Variants in DIAPH2 observed in about 807,000 individuals in gnomAD.
DIAPH2 encodes the protein diaphanous related formin 2, also known as protein diaphanous homolog 2.
Under a neutral mutation model 92.7 loss-of-function variants are expected in DIAPH2, and 35 were observed. The ratio of observed to expected loss-of-function variants is 0.38; its 90% CI spans 0.29 to 0.50. The LOEUF is 0.50. DIAPH2 is among the 20% of genes least tolerant of loss of function. The pLI is 0.94. For missense variants in DIAPH2, 701 were observed against 819.5 expected (o/e 0.86, Z 1.77); for synonymous variants, 301 against 280.4 (o/e 1.07, Z -0.73).
At chrX:97,215,534 A>G (rs1174043151) in intron 22 of DIAPH2, among the ~76,000 whole-genome samples, 1 of 112,029 alleles carries the variant, frequency 8.9e-6, no homozygotes, top group Non-Finnish European at 1.9e-5. Flanking sequence ...GTCATTATTG[A>G]AGATGAAAGC....
chrX:96,852,542 C>G (rs1471831984), intron 4 of DIAPH2, among the ~76,000 whole-genome samples: 1 of 111,688 alleles, frequency 9.0e-6, no homozygotes. Flanking sequence ...AGAGCACTCT[C>G]TGTTGAGAGA....
chrX:96,787,645 A>AATCCCATT (rs2147633304), intron 4 of DIAPH2, among the ~76,000 whole-genome samples: 1 of 107,894 alleles, frequency 9.3e-6, no homozygotes, highest in Non-Finnish European at 1.9e-5. Context: ...TTTATTCACC[A>AATCCCATT]ATCCCATTGT....
At chrX:97,042,334 T>C (rs1302965834) in intron 17 of DIAPH2, among the ~76,000 whole-genome samples, 1 of 111,777 alleles carries the variant, frequency 8.9e-6, no homozygotes, top group Non-Finnish European at 1.9e-5. Flanking sequence ...TATAATCCTC[T>C]TTCTGTGTAG....
chrX:96,775,488 G>A (rs1012775080), intron 4 of DIAPH2, among the ~76,000 whole-genome samples: 2 of 107,811 alleles, frequency 1.9e-5, no homozygotes, highest in African/African-American at 3.4e-5. Flanking sequence ...TTTTCTCCCC[G>A]TTCTCTTCGC....
At chrX:96,884,215 G>A in intron 5 of DIAPH2, 1 of 713,208 alleles carries the variant, frequency 1.4e-6, no homozygotes, top group Non-Finnish European at 2.0e-6. Context: ...AGCCTTCTGT[G>A]GAGAGCTCGA....
At chrX:97,210,279 G>A (rs1386546413) in intron 22 of DIAPH2, among the ~76,000 whole-genome samples, 1 of 111,957 alleles carries the variant, frequency 8.9e-6, no homozygotes, top group South Asian at 3.7e-4. Flanking sequence ...TCTTTCAGAA[G>A]TAATCAAGTT....
intron 11 of DIAPH2, among the ~76,000 whole-genome samples, chrX:96,937,830 G>C (rs1257423116): frequency 2.7e-5 from 3 of 112,111 alleles, no homozygotes; most frequent in African/African-American, 9.7e-5. Flanking sequence ...AATAGAATCT[G>C]AATATAGCAA....
chrX:97,384,077 CAAG>C, intron 25 of DIAPH2, 33 bp downstream of exon 25: 1 of 1,065,236 alleles, frequency 9.4e-7, no homozygotes, highest in African/African-American at 1.9e-5. Context: ...TACAAAAATG[CAAG>C]AAGTACAAAA....
At chrX:97,383,888 T>C (rs1197063669) in intron 24 of DIAPH2, 21 bp from the exon 25 acceptor site, 1 of 1,151,417 alleles carries the variant, frequency 8.7e-7, no homozygotes, top group African/African-American at 1.8e-5. Context: ...GGTTTCCATT[T>C]AACTTTGTTT....
chrX:97,288,366 A>G (rs949516386), intron 23 of DIAPH2, among the ~76,000 whole-genome samples: 1 of 111,339 alleles, frequency 9.0e-6, no homozygotes, highest in African/African-American at 3.3e-5. Context: ...TAGTAATTAT[A>G]TAATTTAAAT....
chrX:97,424,404 A>G (rs2070040315), intron 25 of DIAPH2, among the ~76,000 whole-genome samples: 1 of 111,387 alleles, frequency 9.0e-6, no homozygotes, highest in South Asian at 3.8e-4. Context: ...TAGCCTTCCA[A>G]AGGACCGCGG....
At chrX:96,996,052 C>A (rs2066103207) in intron 17 of DIAPH2, among the ~76,000 whole-genome samples, 1 of 111,409 alleles carries the variant, frequency 9.0e-6, no homozygotes, top group Non-Finnish European at 1.9e-5. Flanking sequence ...TTTATCTCTA[C>A]TCTTCACCTA....
chrX:96,880,205 C>T (rs760645784), intron 4 of DIAPH2, among the ~76,000 whole-genome samples: 16 of 111,215 alleles, frequency 1.4e-4, no homozygotes, highest in South Asian at 3.8e-4. Context: ...AATTCATGAC[C>T]GGTGTTAGTT....
intron 26 of DIAPH2, among the ~76,000 whole-genome samples, chrX:97,469,486 T>C (rs1488513515): frequency 8.9e-6 from 1 of 111,752 alleles, no homozygotes; most frequent in African/African-American, 3.2e-5. Context: ...ATGACCTGCA[T>C]GATAACTAAT....
intron 26 of DIAPH2, among the ~76,000 whole-genome samples, chrX:97,439,451 T>C (rs2070229940): frequency 9.1e-6 from 1 of 110,114 alleles, no homozygotes; most frequent in Non-Finnish European, 1.9e-5. Flanking sequence ...CACGCGCCTG[T>C]AATCCCAGCT....
intron 5 of DIAPH2, among the ~76,000 whole-genome samples, chrX:96,905,406 T>C (rs1169960278): frequency 9.0e-6 from 1 of 111,490 alleles, no homozygotes; most frequent in Non-Finnish European, 1.9e-5. Flanking sequence ...TGAAATGTTG[T>C]CCTTTATAAG....
At chrX:97,290,074 A>AAT (rs374540988) in intron 23 of DIAPH2, among the ~76,000 whole-genome samples, 37,878 of 94,830 alleles carry the variant, frequency 0.4, 6,584 homozygotes, top group Non-Finnish European at 0.5. Context: ...CAGTAATTTA[A>AAT]ATATATATAT....
At chrX:96,769,935 C>G (rs1017123072) in intron 4 of DIAPH2, among the ~76,000 whole-genome samples, 2 of 112,054 alleles carry the variant, frequency 1.8e-5, no homozygotes, top group Non-Finnish European at 3.8e-5. Context: ...CCGTGGCTCA[C>G]GCTTGTAACC....
intron 17 of DIAPH2, among the ~76,000 whole-genome samples, chrX:97,035,810 G>A (rs771883629): frequency 5.2e-4 from 57 of 110,295 alleles, no homozygotes; most frequent in African/African-American, 1.8e-3. Flanking sequence ...GGAGTTTGAG[G>A]CCAGCCTGGG....
Sources: allele counts gnomAD v4.1 joint callset (sites outside exome capture counted in the v4.1 genomes callset), GRCh38; gene constraint gnomAD v4.1.1; transcripts MANE v1.5; gene names NCBI Gene and HGNC (gene_info 2026-07-23, HGNC 2026-07-21).